The following DHX57 variants were observed in gnomAD, a reference collection of about 807,000 sequenced individuals.
The protein encoded by DHX57 is DExH-box helicase 57.
A neutral mutation model predicts 156.2 loss-of-function variants in DHX57; 105 were observed. The observed-to-expected ratio is 0.67, with a 90% CI of 0.57 to 0.79. The LOEUF (loss-of-function observed/expected upper bound fraction) is 0.79. Ranked by LOEUF, DHX57 falls within the 30% of genes least tolerant of loss-of-function variation. The pLI is 0.00. For synonymous variants in DHX57, 704 were observed against 595.6 expected (o/e 1.18, Z -2.65); for missense variants, 1,847 against 1,661.9 (o/e 1.11, Z -1.94).
intron 9 of DHX57, among the ~76,000 whole-genome samples, chr2:38,851,181 T>G (rs1672573146): frequency 6.6e-6 from 1 of 152,184 alleles, no homozygotes; most frequent in Admixed American, 6.5e-5. Flanking sequence ...ACATCTCTCT[T>G]TCTACCATAT....
chr2:38,828,883 G>A (rs1320564076), intron 13 of DHX57, among the ~76,000 whole-genome samples: 1 of 152,158 alleles, frequency 6.6e-6, no homozygotes, highest in Non-Finnish European at 1.5e-5. Context: ...CTGAGGTGTG[G>A]AAAAGTATAA....
intron 19 of DHX57, 34 bp from the exon 20 acceptor site, chr2:38,815,689 A>T (rs759693004): frequency 6.2e-7 from 1 of 1,613,618 alleles, no homozygotes; most frequent in South Asian, 1.1e-5. Flanking sequence ...AAGCAAGGGC[A>T]TCAGCATAAC....
At chr2:38,835,685 A>G (rs1671614551) in intron 13 of DHX57, among the ~76,000 whole-genome samples, 2 of 152,220 alleles carry the variant, frequency 1.3e-5, no homozygotes, top group Non-Finnish European at 2.9e-5. Context: ...GAATTCTGAT[A>G]GAGAGAACAT....
rs1670230925 is a variant in DHX57 at position 38,811,268 on chromosome 2, G to A, written c.3681+2553C>T. 5 of 516,760 alleles carry A rather than the reference G, an allele frequency of 9.7e-6. No homozygotes were observed. The East Asian group carries it at 1.9e-4, about 19-fold the overall frequency. 32.0% of individuals were successfully genotyped at this position (516,760 alleles called of 1,614,324 possible). On this transcript the variant is annotated intron_variant, in intron 21 of 23. Coordinates refer to ENST00000457308, the MANE Select transcript of DHX57 (RefSeq NM_198963.3). ...GGGAGCAATGACCTTAATCTGGGGG[G>A]CCAGCGAGTAGCAGGCGAGCTCAAA...
chr2:38,849,750 T>C (rs1672485624), intron 9 of DHX57, among the ~76,000 whole-genome samples: 2 of 152,126 alleles, frequency 1.3e-5, no homozygotes, highest in African/African-American at 4.8e-5. Context: ...CTTGGGTCTT[T>C]TGTACATGTT....
intron 6 of DHX57, 146 bp from the exon 7 acceptor site, chr2:38,856,607 G>A (rs1359113410): frequency 1.1e-5 from 11 of 1,030,992 alleles, no homozygotes; most frequent in Non-Finnish European, 9.3e-6. Context: ...AGGCTCTAGC[G>A]ATCCTCCCGC....
intron 1 of DHX57, among the ~76,000 whole-genome samples, chr2:38,869,310 C>G (rs1421847587): frequency 6.6e-6 from 1 of 152,144 alleles, no homozygotes; most frequent in Non-Finnish European, 1.5e-5. Flanking sequence ...TGGAGAAGTT[C>G]AAACCTAAAG....
intron 10 of DHX57, among the ~76,000 whole-genome samples, 200 bp downstream of exon 10, chr2:38,848,069 C>T (rs1226159085): frequency 9.9e-5 from 15 of 150,764 alleles, no homozygotes; most frequent in African/African-American, 3.2e-4. Flanking sequence ...GGTGACAGAG[C>T]GAGACTCTGT....
Position 38,861,668 on chromosome 2 carries a change from G to A in DHX57, c.742C>T (p.Arg248Ter), listed in dbSNP as rs749978851. ...TTGAGAGCAAATGCCTCTTCCTGTCGCTGTTCCATACACTCATCCAAGCTT... is the reference window on the plus strand; with the variant it reads ...TTGAGAGCAAATGCCTCTTCCTGTCACTGTTCCATACACTCATCCAAGCTT... ...QISLDECMEQRQEEAFALKSI... is the reference protein window; with the variant it reads ...QISLDECMEQ Residue 248 changes from arginine to a stop codon, truncating the protein, a stop_gained, in exon 5 of 24, where the codon CGA becomes TGA. Transcript: ENST00000457308. LOFTEE classifies it high-confidence loss of function. The A allele has an allele frequency of 2.6e-5, 42 of 1,613,928 alleles. No individual in the cohort carries two copies. Among genetic ancestry groups the A allele is most frequent in the African/African-American group, 4.0e-5 (3 of 74,880 alleles).
At chr2:38,798,720 C>T (rs977974113) in intron 23 of DHX57, among the ~76,000 whole-genome samples, 2 of 151,942 alleles carry the variant, frequency 1.3e-5, no homozygotes, top group African/African-American at 2.4e-5. Flanking sequence ...CCAAGGCGGG[C>T]GGATCATGAG....
chr2:38,852,135 G>C (rs906837091), intron 9 of DHX57, among the ~76,000 whole-genome samples: 19 of 148,866 alleles, frequency 1.3e-4, no homozygotes, highest in Non-Finnish European at 2.4e-4. Context: ...ACTAATAATA[G>C]TAATGTATTA....
At chr2:38,822,942 G>A (rs749247988) in intron 17 of DHX57, 51 bp downstream of exon 17, 9 of 1,576,462 alleles carry the variant, frequency 5.7e-6, no homozygotes, top group Non-Finnish European at 7.8e-6. Context: ...TCCCCTTAGA[G>A]ACCTATGGTC....
chr2:38,805,068 T>G (rs1428525912), intron 22 of DHX57, among the ~76,000 whole-genome samples: 1 of 152,172 alleles, frequency 6.6e-6, no homozygotes, highest in Non-Finnish European at 1.5e-5. Context: ...CGCTAGTAGA[T>G]ATTACATGGA....
intron 13 of DHX57, among the ~76,000 whole-genome samples, chr2:38,833,164 T>C (rs1344273651): frequency 1.3e-5 from 2 of 151,770 alleles, no homozygotes; most frequent in Non-Finnish European, 2.9e-5. Context: ...TTTTTTGAGG[T>C]GGAGTCTTGC....
chr2:38,875,023 C>A (rs140663412), intron 1 of DHX57, among the ~76,000 whole-genome samples: 1 of 152,160 alleles, frequency 6.6e-6, no homozygotes, highest in Admixed American at 6.5e-5. Flanking sequence ...AGGATACTTA[C>A]GCTGAATCAA....
chr2:38,807,578 C>G (rs548361147), intron 21 of DHX57, among the ~76,000 whole-genome samples: 3 of 151,910 alleles, frequency 2.0e-5, no homozygotes, highest in African/African-American at 7.3e-5. Flanking sequence ...AGGATGGTCT[C>G]GATCTCCTGA....
At chr2:38,858,556 A>G (rs778706425) in intron 6 of DHX57, 105 bp downstream of exon 6, 359 of 1,420,596 alleles carry the variant, frequency 2.5e-4, no homozygotes, top group Non-Finnish European at 3.2e-4. Context: ...AGGGAGAAAA[A>G]GAACCAGAAG....
In DHX57 at chr2:38,848,410, A is replaced by C. The variant is rs904060078; in HGVS notation, c.2031-8T>G. On this transcript the variant is annotated splice_polypyrimidine_tract_variant and splice_region_variant and intron_variant, in intron 9 of 23. Coordinates refer to ENST00000457308, the MANE Select transcript of DHX57 (RefSeq NM_198963.3). ...ACTAGCAGCAAGAAGTCACTAGAGAAAATAAAAGAAACACCTGAGGATCAA... is the reference window on the plus strand; with the variant it reads ...ACTAGCAGCAAGAAGTCACTAGAGACAATAAAAGAAACACCTGAGGATCAA... 1 of 1,583,584 alleles carries C rather than the reference A, an allele frequency of 6.3e-7. No homozygotes were observed. Among genetic ancestry groups the C allele is most frequent in the African/African-American group, 1.4e-5 (1 of 72,934 alleles).
chr2:38,811,173 CAT>C, intron 21 of DHX57: 1 of 505,806 alleles, frequency 2.0e-6, no homozygotes, highest in Non-Finnish European at 3.7e-6. Context: ...ATGGGAATCC[CAT>C]GTTTCTCTGC....
Sources: gnomAD v4.1 joint callset for allele counts (sites outside exome capture counted in the v4.1 genomes callset) on GRCh38, gnomAD v4.1.1 for gene constraint, MANE v1.5 for transcripts, NCBI Gene and HGNC (gene_info 2026-07-23, HGNC 2026-07-21) for gene names.